Variants in CHD4 observed in about 807,000 individuals in gnomAD.
CHD4 encodes the protein chromodomain helicase DNA binding protein 4, also known as ATP-dependent chromatin remodeler CHD4.
CHD4 carries 35 observed loss-of-function variants against 235.5 expected under a neutral mutation model. The ratio of observed to expected loss-of-function variants is 0.15; its 90% CI spans 0.11 to 0.20. The LOEUF (loss-of-function observed/expected upper bound fraction) is 0.20, where lower values mean the gene tolerates loss of function less well. Ranked by LOEUF, CHD4 falls within the 10% of genes least tolerant of loss-of-function variation. The pLI is 1.00. For synonymous variants in CHD4, 900 were observed against 850.2 expected (o/e 1.06, Z -1.02); for missense variants, 1,329 against 2,432.3 (o/e 0.55, Z 9.54).
At chr12:6,589,337 T>C (rs1948352769) in intron 22 of CHD4, among the ~76,000 whole-genome samples, 1 of 152,198 alleles carries the variant, frequency 6.6e-6, no homozygotes, top group South Asian at 2.1e-4. Context: ...CCTCAAGCTA[T>C]TTATCAATCA....
rs1311410554 is a variant in CHD4, at chr12:6,606,484, G to A, written c.-78-33C>T. Reference sequence around the variant, plus strand: ...GGGGAGGGGGGAGAAACACAGAACAGTCAGTGACGCGCACTGTCCCCCTCC... The same window carrying A: ...GGGGAGGGGGGAGAAACACAGAACAATCAGTGACGCGCACTGTCCCCCTCC... On this transcript the variant is annotated intron_variant, in intron 1 of 39. Transcript: ENST00000544040. The A allele has an allele frequency of 1.9e-5, 11 of 583,614 alleles. No individual in the cohort carries two copies. In the Admixed American group the frequency reaches 3.8e-4, roughly 20 times the overall value. 36.2% of individuals were successfully genotyped at this position (583,614 alleles called of 1,614,324 possible). A position where few individuals can be genotyped will look rare whatever the true frequency, so the allele number is the denominator to read the frequency against.
At chr12:6,602,576 A>G in intron 2 of CHD4, 79 bp from the exon 3 acceptor site, 1 of 1,539,626 alleles carries the variant, frequency 6.5e-7, no homozygotes, top group South Asian at 1.2e-5. Flanking sequence ...GAGGCTTTAG[A>G]CTTTATTCCC....
rs879862049 is a variant in CHD4 at position 6,599,273 on chromosome 12, A to AT, written c.1482+499dup. ...ATAGTGAGACCCTGTCTCAACAGAG[A>AT]TTTTTTTTTTTTAATTAGCTGGATG... On this transcript the variant is annotated intron_variant, in intron 10 of 39. Coordinates refer to ENST00000544040, the MANE Select transcript of CHD4 (RefSeq NM_001273.5). Among the ~76,000 whole-genome samples the AT allele has an allele frequency of 6.4e-4, 94 of 147,640 alleles. 1 individual carries two copies. Among genetic ancestry groups the AT allele is most frequent in the African/African-American group, 1.7e-3 (68 of 40,436 alleles).
At chr12:6,587,585 C>T (rs373587888) in intron 24 of CHD4, 26 bp from the exon 25 acceptor site, 3 of 1,612,002 alleles carry the variant, frequency 1.9e-6, no homozygotes, top group Non-Finnish European at 2.5e-6. Context: ...GGCCCACATC[C>T]CCAAAGTCAG....
intron 34 of CHD4, 76 bp from the exon 35 acceptor site, chr12:6,578,622 G>A: frequency 1.3e-6 from 2 of 1,595,672 alleles, no homozygotes; most frequent in South Asian, 2.2e-5. Context: ...AACACTGTAT[G>A]CTACAAGAAT....
In CHD4 at chr12:6,578,039, C is replaced by T. The variant is rs773468760; in HGVS notation, c.5218G>A (p.Gly1740Ser). 8.1e-6 allele frequency: 13 copies of T among 1,612,430 alleles called. No homozygotes were observed. The highest frequency in any genetic ancestry group is 6.7e-5 in the African/African-American group (5 of 74,912). Residue 1740 changes from glycine (G) to serine (S), a missense_variant, in exon 36 of 40, where the codon GGC (glycine) becomes AGC (serine). Physicochemically the swap from Gly to Ser is moderately conservative, Grantham distance 56. Around this residue, in one of 26 missense-constraint regions of CHD4, gnomAD observed 135 missense variants for 282.3 expected, o/e 0.48. Transcript: ENST00000544040. ...TCAGGCAAAGGATACTTTATAATGC[C>T]GGCTAGCAGCCAGTAGTCATGCCGT... Reference protein sequence around the residue: ...HRRHDYWLLAGIINHGYARWQ... With the variant: ...HRRHDYWLLASIINHGYARWQ...
intron 2 of CHD4, among the ~76,000 whole-genome samples, chr12:6,605,154 C>T (rs1277188919): frequency 6.6e-6 from 1 of 152,150 alleles, no homozygotes. Flanking sequence ...CCCAGACCAC[C>T]TCAACTTCCA....
chr12:6,580,278 C>T (rs1948157558), intron 33 of CHD4: 2 of 151,862 alleles, frequency 1.3e-5, no homozygotes, highest in African/African-American at 4.8e-5. Flanking sequence ...TAAGAGATAC[C>T]TTAAGTTAGG....
chr12:6,575,632 T>C (rs149647102), intron 37 of CHD4, among the ~76,000 whole-genome samples: 2 of 152,212 alleles, frequency 1.3e-5, no homozygotes, highest in African/African-American at 4.8e-5. Flanking sequence ...ACCTCATGAT[T>C]ATATGACAGT....
At chr12:6,601,132 T>TCC in intron 6 of CHD4, 79 bp from the exon 7 acceptor site, 1 of 1,524,306 alleles carries the variant, frequency 6.6e-7, no homozygotes, top group East Asian at 2.3e-5. Flanking sequence ...TAAGCTTGCT[T>TCC]CCCCACATTC....
intron 4 of CHD4, 61 bp downstream of exon 4, chr12:6,601,899 G>A (rs1424200779): frequency 5.1e-6 from 8 of 1,583,366 alleles, no homozygotes; most frequent in Non-Finnish European, 6.9e-6. Flanking sequence ...GCAGTAAGGT[G>A]TCTAGGAAAC....
intron 37 of CHD4, 180 bp downstream of exon 37, chr12:6,577,601 CAGTT>C (rs1948094063): frequency 1.4e-6 from 1 of 714,528 alleles, no homozygotes; most frequent in Middle Eastern, 3.5e-4. Flanking sequence ...AGCTCATGTA[CAGTT>C]AGTTAACTTT....
rs1242641410 is a variant in CHD4 at position 6,601,460 on chromosome 12, G to A, written c.628C>T (p.Arg210Trp). ...AAGGGGTTATTGGTACTGAACTCCC[G>A]CCATTTTGCACCCAAAACCATCATC... ...KMMMVLGAKW[R>W]EFSTNNPFKG... Residue 210 changes from arginine (R) to tryptophan (W), a missense_variant, in exon 6 of 40, where the codon CGG becomes TGG. Coordinates refer to ENST00000544040, the MANE Select transcript of CHD4 (RefSeq NM_001273.5). The A allele has an allele frequency of 2.5e-6, 4 of 1,614,102 alleles. No homozygotes were observed. The highest frequency in any genetic ancestry group is 3.4e-6 in the Non-Finnish European group (4 of 1,180,020).
intron 38 of CHD4, among the ~76,000 whole-genome samples, chr12:6,572,090 C>T (rs553785846): frequency 1.3e-4 from 19 of 150,900 alleles, no homozygotes; most frequent in Non-Finnish European, 2.7e-4. Context: ...CACGCCATTG[C>T]ACCCCAGCCT....
In CHD4 at chr12:6,601,448, T is replaced by C; in HGVS notation, c.640A>G (p.Thr214Ala). 1 of 1,614,182 alleles carries C rather than the reference T, an allele frequency of 6.2e-7. No individual in the cohort carries two copies. The highest frequency in any genetic ancestry group is 8.5e-7 in the Non-Finnish European group (1 of 1,180,038). ...VLGAKWREFS[T>A]NNPFKGSSGA... ...GAACTGCCTTTGAAGGGGTTATTGGTACTGAACTCCCGCCATTTTGCACCC... is the reference window on the plus strand; with the variant it reads ...GAACTGCCTTTGAAGGGGTTATTGGCACTGAACTCCCGCCATTTTGCACCC... The change falls in exon 6 of 40, where the codon ACC becomes GCC. Residue 214 changes from threonine (T) to alanine (A), a missense_variant. Transcript: ENST00000544040.
At chr12:6,573,365 G>T in intron 37 of CHD4, 96 bp from the exon 38 acceptor site, 1 of 1,039,782 alleles carries the variant, frequency 9.6e-7, no homozygotes, top group Non-Finnish European at 1.3e-6. Flanking sequence ...GTTTCAGATG[G>T]TAATAAGAAC....
In CHD4 at chr12:6,596,017, A is replaced by G. The variant is rs1948488130; in HGVS notation, c.2013T>C (p.Tyr671=). 2 of 1,613,212 alleles carry G rather than the reference A, an allele frequency of 1.2e-6. No individual in the cohort carries two copies. The highest frequency in any genetic ancestry group is 1.7e-6 in the Non-Finnish European group (2 of 1,179,720). The change falls in exon 13 of 40, where the codon TAT becomes TAC. Residue 671 remains tyrosine, a synonymous_variant. Coordinates refer to ENST00000544040, the MANE Select transcript of CHD4 (RefSeq NM_001273.5). ...CCAAAATCACTCACCTGTGATTCCA[A>G]TAGCTCTGCTTGAACAGGTCGTAAT... ...IQDYDLFKQS[Y]WNHRELMRGE... is the part of the protein sequence containing the mutation.
At chr12:6,586,189 G>A (rs928551117) in intron 25 of CHD4, among the ~76,000 whole-genome samples, 1 of 151,498 alleles carries the variant, frequency 6.6e-6, no homozygotes, top group East Asian at 1.9e-4. Context: ...ACAAGGTCAG[G>A]AGATCGAGAC....
intron 14 of CHD4, among the ~76,000 whole-genome samples, chr12:6,595,055 T>G (rs1948462823): frequency 6.6e-6 from 1 of 151,946 alleles, no homozygotes. Flanking sequence ...CCTATGTAAG[T>G]GCATAAAAGC....
Sources: gnomAD v4.1 joint callset for allele counts (sites outside exome capture counted in the v4.1 genomes callset) on GRCh38, gnomAD v4.1.1 for gene constraint, gnomAD v4.1.1 regional missense constraint, MANE v1.5 for transcripts, NCBI Gene and HGNC (gene_info 2026-07-23, HGNC 2026-07-21) for gene names.